NR4A3: variants seen among roughly 807,000 people sequenced by gnomAD.
The protein encoded by NR4A3 is nuclear receptor subfamily 4 group A member 3.
NR4A3 carries 13 observed loss-of-function variants against 55.6 expected under a neutral mutation model. The ratio of observed to expected loss-of-function variants is 0.23; its 90% CI spans 0.15 to 0.37. The LOEUF (loss-of-function observed/expected upper bound fraction) is 0.37. Among genes scored for constraint, NR4A3 ranks in the 10% least tolerant of loss-of-function variants. The pLI, the probability that NR4A3 is intolerant of heterozygous loss-of-function variation, is 1.00. For synonymous variants in NR4A3, 342 were observed against 357.9 expected (o/e 0.96, Z 0.50); for missense variants, 646 against 822.8 (o/e 0.79, Z 2.63).
At chr9:99,850,554 C>T (rs551215265) in intron 7 of NR4A3, among the ~76,000 whole-genome samples, 56 of 152,146 alleles carry the variant, frequency 3.7e-4, no homozygotes, top group Non-Finnish European at 6.9e-4. Context: ...CTGCTCAGCC[C>T]GCTGCCCATT....
intron 5 of NR4A3, among the ~76,000 whole-genome samples, chr9:99,839,763 A>C (rs556029235): frequency 6.6e-6 from 1 of 152,356 alleles, no homozygotes; most frequent in South Asian, 2.1e-4. Flanking sequence ...TAGTATAAAC[A>C]GGAAAAAAGT....
chr9:99,840,891 A>T (rs1308391239), intron 5 of NR4A3, among the ~76,000 whole-genome samples: 1 of 152,154 alleles, frequency 6.6e-6, no homozygotes, highest in Non-Finnish European at 1.5e-5. Context: ...AGGAGAAAAT[A>T]AAAAAGGGGA....
chr9:99,845,429 CAT>C (rs1357449385), intron 6 of NR4A3, among the ~76,000 whole-genome samples: 2 of 152,178 alleles, frequency 1.3e-5, no homozygotes, highest in African/African-American at 4.8e-5. Context: ...TTTTCAAAAA[CAT>C]AGAACCTTGG....
chr9:99,848,866 T>C (rs1827801978), intron 7 of NR4A3, among the ~76,000 whole-genome samples: 1 of 152,162 alleles, frequency 6.6e-6, no homozygotes, highest in African/African-American at 2.4e-5. Flanking sequence ...CTGTTAGACC[T>C]CATTCTTTCT....
In NR4A3 at chr9:99,827,373, T is replaced by C. The variant is rs185022998; in HGVS notation, c.-2-668T>C. Among the ~76,000 whole-genome samples the C allele has an allele frequency of 1.4e-3, 213 of 151,980 alleles. 5 individuals carry two copies. In the East Asian group the frequency reaches 0.035, roughly 25 times the overall value. ...ATGGTACAAACTCTCCCGAGTCAATTTCCTGGGCCTATGTCCCCACCTAGC... is the reference window on the plus strand; with the variant it reads ...ATGGTACAAACTCTCCCGAGTCAATCTCCTGGGCCTATGTCCCCACCTAGC... On this transcript the variant is annotated intron_variant, in intron 2 of 7. Transcript: ENST00000395097.
At chr9:99,831,509 G>A (rs1216463664) in intron 3 of NR4A3, among the ~76,000 whole-genome samples, 2 of 152,158 alleles carry the variant, frequency 1.3e-5, no homozygotes, top group Admixed American at 6.5e-5. Flanking sequence ...AGGTAACAGG[G>A]TAAAACTGAA....
rs894449533 is a variant in NR4A3 at position 99,826,894 on chromosome 9, T to A, written c.-3+1062T>A. 4.7e-6 allele frequency: 6 copies of A among 1,268,128 alleles called. No homozygotes were observed. The South Asian group carries it at 7.8e-5, about 16-fold the overall frequency. The allele number at this position is 1,268,128 out of a possible 1,614,324, so 78.6% of individuals were successfully genotyped here. A position where few individuals can be genotyped will look rare whatever the true frequency, so the allele number is the denominator to read the frequency against. On this transcript the variant is annotated intron_variant, in intron 2 of 7. Transcript: ENST00000395097. ...AGACTCCAAAGAGGCGTTAAGCACCTGGTTTTCCTTTGGCTCAGAAAAACC... is the reference window on the plus strand; with the variant it reads ...AGACTCCAAAGAGGCGTTAAGCACCAGGTTTTCCTTTGGCTCAGAAAAACC...
rs1377833418 is a variant in NR4A3 at position 99,825,175 on chromosome 9, C to T, written c.-176-484C>T. On this transcript the variant is annotated intron_variant, in intron 1 of 7. Transcript: ENST00000395097. This position sits in a 1 kb window ranked among gnomAD's most constrained non-coding sequence, Gnocchi z 5.0. Reference sequence around the variant, plus strand: ...TTCCGGACCTTGTGCATTTCCTATGCAACGTGTAAAATTTGTATTTGAGGG... The same window carrying T: ...TTCCGGACCTTGTGCATTTCCTATGTAACGTGTAAAATTTGTATTTGAGGG... 6.7e-6 allele frequency among the ~76,000 whole-genome samples: 1 copy of T among 150,302 alleles called. No individual in the cohort carries two copies. Among genetic ancestry groups the T allele is most frequent in the African/African-American group, 2.5e-5 (1 of 40,624 alleles).
chr9:99,829,070 C>T (rs955357154), intron 3 of NR4A3, 77 bp downstream of exon 3: 3 of 1,251,482 alleles, frequency 2.4e-6, no homozygotes. Context: ...GTAGGAGCAT[C>T]CTTGTTCTTC....
At chr9:99,835,696 C>T (rs1827547393) in intron 5 of NR4A3, among the ~76,000 whole-genome samples, 1 of 152,164 alleles carries the variant, frequency 6.6e-6, no homozygotes, top group Non-Finnish European at 1.5e-5. Flanking sequence ...CCTAATTAGT[C>T]ATTCAATGGC....
chr9:99,826,823 A>C (rs1421165379), intron 2 of NR4A3: 1 of 1,604,394 alleles, frequency 6.2e-7, no homozygotes, highest in Non-Finnish European at 8.5e-7. Context: ...ATGTCAAAGG[A>C]AATGTGAAGT....
chr9:99,827,297 T>C (rs1435978076), intron 2 of NR4A3, among the ~76,000 whole-genome samples: 1 of 151,810 alleles, frequency 6.6e-6, no homozygotes, highest in Non-Finnish European at 1.5e-5. Context: ...TGTGTATATA[T>C]ATATATATGG....
chr9:99,835,747 G>C (rs925877026), intron 5 of NR4A3, among the ~76,000 whole-genome samples: 1 of 152,140 alleles, frequency 6.6e-6, no homozygotes, highest in Non-Finnish European at 1.5e-5. Flanking sequence ...GCTGGGAACT[G>C]TCCCCACACT....
chr9:99,829,838 C>G (rs573802528), intron 3 of NR4A3, among the ~76,000 whole-genome samples: 1 of 152,190 alleles, frequency 6.6e-6, no homozygotes, highest in Non-Finnish European at 1.5e-5. Context: ...CAGCCTCCCC[C>G]ATATTTTACC....
At chr9:99,827,694 C>G (rs1173097442) in intron 2 of NR4A3, among the ~76,000 whole-genome samples, 1 of 152,220 alleles carries the variant, frequency 6.6e-6, no homozygotes, top group Non-Finnish European at 1.5e-5. Context: ...GAGGAGCCCA[C>G]TCCAATTAGT....
chr9:99,844,233 T>C (rs1472037456), intron 5 of NR4A3, among the ~76,000 whole-genome samples: 1 of 152,120 alleles, frequency 6.6e-6, no homozygotes, highest in African/African-American at 2.4e-5. Context: ...GGGGCAGTAG[T>C]TCTCAATTGG....
chr9:99,857,817 C>T (rs1486416366), intron 7 of NR4A3, among the ~76,000 whole-genome samples: 1 of 151,990 alleles, frequency 6.6e-6, no homozygotes, highest in Non-Finnish European at 1.5e-5. Context: ...TTCAGGTCTA[C>T]AGCCAGGAAA....
At chr9:99,833,225 A>G (rs1564031665) in intron 4 of NR4A3, 57 bp from the exon 5 acceptor site, 1 of 1,530,526 alleles carries the variant, frequency 6.5e-7, no homozygotes, top group East Asian at 2.3e-5. Flanking sequence ...TTTGCGATTT[A>G]TGGTCGTTCA....
rs567429102 is a variant in NR4A3, at chr9:99,838,485, G to C, written c.1254+5031G>C. On this transcript the variant is annotated intron_variant, in intron 5 of 7. Transcript: ENST00000395097. ...GCATCTCAGAAGACCCTCTCAAATTGTTACCAATTCACCAGATGATTTCAC... is the reference window on the plus strand; with the variant it reads ...GCATCTCAGAAGACCCTCTCAAATTCTTACCAATTCACCAGATGATTTCAC... 2.0e-4 allele frequency among the ~76,000 whole-genome samples: 30 copies of C among 152,294 alleles called. No individual in the cohort carries two copies. The East Asian group carries it at 5.6e-3, about 28-fold the overall frequency.
Sources: allele counts gnomAD v4.1 joint callset (sites outside exome capture counted in the v4.1 genomes callset), GRCh38; gene constraint gnomAD v4.1.1; non-coding constraint Gnocchi (gnomAD v3.1); transcripts MANE v1.5; gene names NCBI Gene and HGNC (gene_info 2026-07-23, HGNC 2026-07-21).